FSTL4: variants seen among roughly 807,000 people sequenced by gnomAD.
FSTL4 encodes follistatin like 4.
A neutral mutation model predicts 78.2 loss-of-function variants in FSTL4; 28 were observed. The observed-to-expected ratio is 0.36, with a 90% CI of 0.27 to 0.49. The LOEUF is 0.49. FSTL4 is among the 20% of genes least tolerant of loss of function. The pLI, the probability that FSTL4 is intolerant of heterozygous loss-of-function variation, is 0.98. For missense variants in FSTL4, 922 were observed against 1,084.9 expected (o/e 0.85, Z 2.11); for synonymous variants, 422 against 440.5 (o/e 0.96, Z 0.53).
chr5:133,404,716 T>C (rs1194697858), intron 3 of FSTL4, among the ~76,000 whole-genome samples: 1 of 152,108 alleles, frequency 6.6e-6, no homozygotes, highest in African/African-American at 2.4e-5. Flanking sequence ...GGCAAGCCCG[T>C]CTGACCCCGG....
chr5:133,224,093 G>A, intron 11 of FSTL4, 97 bp downstream of exon 11: 1 of 916,232 alleles, frequency 1.1e-6, no homozygotes, highest in Non-Finnish European at 1.8e-6. Flanking sequence ...GGGCTGCTTT[G>A]TGTGGGAAAG....
chr5:133,701,264 A>T, the FSTL4 span, among the ~76,000 whole-genome samples: 1 of 151,910 alleles, frequency 6.6e-6, no homozygotes, highest in Non-Finnish European at 1.5e-5. Flanking sequence ...TTAGCCAGGC[A>T]TGGTGGCAGG....
At chr5:133,622,245 A>G in the FSTL4 span, among the ~76,000 whole-genome samples, 2 of 152,204 alleles carry the variant, frequency 1.3e-5, no homozygotes, top group Admixed American at 6.5e-5. Flanking sequence ...GCTCCTTTGT[A>G]TGACTGAGTA....
intron 3 of FSTL4, among the ~76,000 whole-genome samples, chr5:133,446,697 C>T (rs536526408): frequency 1.3e-5 from 2 of 152,346 alleles, no homozygotes; most frequent in East Asian, 3.9e-4. Context: ...ACAGCCCAGC[C>T]CCCTCCCAAA....
At chr5:133,345,318 A>T (rs1274768139) in intron 4 of FSTL4, among the ~76,000 whole-genome samples, 1 of 152,134 alleles carries the variant, frequency 6.6e-6, no homozygotes, top group Non-Finnish European at 1.5e-5. Flanking sequence ...GATTCTGGAT[A>T]TTAGCCCTTT....
intron 4 of FSTL4, among the ~76,000 whole-genome samples, chr5:133,386,187 T>C (rs1405078063): frequency 6.6e-6 from 1 of 152,210 alleles, no homozygotes; most frequent in Non-Finnish European, 1.5e-5. Context: ...GGACCTGGCA[T>C]GTCACATGGG....
chr5:133,222,657 C>T (rs1026287849), intron 11 of FSTL4, among the ~76,000 whole-genome samples: 10 of 152,200 alleles, frequency 6.6e-5, no homozygotes, highest in African/African-American at 9.7e-5. Context: ...TGCTCACAGT[C>T]GGCCCTGGAA....
upstream of FSTL4, among the ~76,000 whole-genome samples, chr5:133,612,851 T>A (rs958206131): frequency 3.9e-5 from 6 of 152,144 alleles, no homozygotes; most frequent in African/African-American, 1.4e-4. This position sits in a 1 kb window ranked among gnomAD's most constrained non-coding sequence, Gnocchi z 6.2. Flanking sequence ...AGCTGTGCTC[T>A]CCAGGCGCAC....
the FSTL4 span, among the ~76,000 whole-genome samples, chr5:133,772,296 A>G: frequency 1.3e-5 from 2 of 152,222 alleles, no homozygotes; most frequent in Non-Finnish European, 2.9e-5. Context: ...GCATGAGGCC[A>G]TCTCTCTTAT....
chr5:133,753,864 T>C, the FSTL4 span, among the ~76,000 whole-genome samples: 3 of 152,196 alleles, frequency 2.0e-5, no homozygotes, highest in African/African-American at 4.8e-5. Context: ...GTTTAAACTA[T>C]GGACTTTAAA....
the FSTL4 span, among the ~76,000 whole-genome samples, chr5:133,806,941 C>T: frequency 0.27 from 40,483 of 152,048 alleles, 5,650 homozygotes; most frequent in African/African-American, 0.34. Flanking sequence ...CAGGGCGATG[C>T]CCATAATCAT....
At chr5:133,279,266 G>A (rs895085121) in intron 6 of FSTL4, among the ~76,000 whole-genome samples, 23 of 152,196 alleles carry the variant, frequency 1.5e-4, no homozygotes, top group Non-Finnish European at 2.5e-4. Context: ...CAGCAGCAGC[G>A]TTAGATTCTC....
chr5:133,317,810 C>T (rs550868986), intron 4 of FSTL4, among the ~76,000 whole-genome samples: 9 of 152,142 alleles, frequency 5.9e-5, no homozygotes, highest in Non-Finnish European at 1.3e-4. Context: ...CAGGCCTTTG[C>T]ACCAGCATGG....
the FSTL4 span, among the ~76,000 whole-genome samples, chr5:133,694,030 C>G: frequency 6.6e-6 from 1 of 152,214 alleles, no homozygotes; most frequent in Non-Finnish European, 1.5e-5. Flanking sequence ...CTAGGTATTA[C>G]TCAATCCAGT....
chr5:133,733,067 G>A, the FSTL4 span, among the ~76,000 whole-genome samples: 1 of 152,198 alleles, frequency 6.6e-6, no homozygotes, highest in Non-Finnish European at 1.5e-5. Flanking sequence ...TCAGATACTT[G>A]TTGAATTCAC....
rs13183672 is a variant in FSTL4 at position 133,197,825 on chromosome 5, A to C, written c.*1270T>G. The C allele has an allele frequency of 0.28, 42,999 of 152,142 alleles. 6,477 individuals are homozygous for C. Among genetic ancestry groups the C allele is most frequent in the East Asian group, 0.44 (2,277 of 5,160 alleles). The allele number at this position is 152,142 out of a possible 1,614,324, so 9.4% of individuals were successfully genotyped here. Reference sequence around the variant, plus strand: ...TGATCTAGGCGGTCTCCAGAGGGCTATGTGGGTTGTACTTCTTCGATGCCC... The same window carrying C: ...TGATCTAGGCGGTCTCCAGAGGGCTCTGTGGGTTGTACTTCTTCGATGCCC... On this transcript the variant is annotated 3_prime_UTR_variant, in exon 16 of 16. Coordinates refer to ENST00000265342, the MANE Select transcript of FSTL4 (RefSeq NM_015082.2).
intron 4 of FSTL4, among the ~76,000 whole-genome samples, chr5:133,335,981 C>T (rs1177367935): frequency 2.6e-5 from 4 of 152,172 alleles, no homozygotes; most frequent in Non-Finnish European, 4.4e-5. Context: ...ATAACCATTC[C>T]AAATATCTGG....
chr5:133,676,448 G>A, the FSTL4 span, among the ~76,000 whole-genome samples: 1 of 152,132 alleles, frequency 6.6e-6, no homozygotes, highest in African/African-American at 2.4e-5. Context: ...TTACTAATTA[G>A]TTTCTTCTTT....
chr5:133,272,332 G>T (rs1314238974), intron 6 of FSTL4, among the ~76,000 whole-genome samples: 1 of 152,216 alleles, frequency 6.6e-6, no homozygotes, highest in Non-Finnish European at 1.5e-5. Flanking sequence ...CATTCTTAAC[G>T]CATTGTTTGT....
Sources: allele counts gnomAD v4.1 joint callset (sites outside exome capture counted in the v4.1 genomes callset), GRCh38; gene constraint gnomAD v4.1.1; non-coding constraint Gnocchi (gnomAD v3.1); transcripts MANE v1.5; gene names NCBI Gene and HGNC (gene_info 2026-07-23, HGNC 2026-07-21).